The following PRLR variants were observed in gnomAD, a reference collection of about 807,000 sequenced individuals.
The protein encoded by PRLR is hPRL receptor.
A neutral mutation model predicts 40.2 loss-of-function variants in PRLR; 13 were observed. The ratio of observed to expected loss-of-function variants is 0.32; its 90% CI spans 0.21 to 0.51. PRLR has a LOEUF of 0.51. Among genes scored for constraint, PRLR ranks in the 20% least tolerant of loss-of-function variants. The pLI, the probability that PRLR is intolerant of heterozygous loss-of-function variation, is 0.97. For missense variants in PRLR, 656 were observed against 747.3 expected, an observed-to-expected ratio of 0.88 and a Z score of 1.42; for synonymous variants, 269 against 278.7, an observed-to-expected ratio of 0.97 and a Z score of 0.35.
At position 35,148,308 on chromosome 5, in the gene PRLR, G is replaced by C. The variant is rs1774244922; in HGVS notation, c.-105-30186C>G. On this transcript the variant is annotated intron_variant, in intron 1 of 9. Coordinates refer to ENST00000618457, the MANE Select transcript of PRLR (RefSeq NM_000949.7). ...CAACCATTCAATTTGTGTTGAACTT[G>C]GGAGTATAGGGTTTTTGAGAATTGG... Among the ~76,000 whole-genome samples the C allele has an allele frequency of 3.9e-5, 6 of 152,234 alleles. No individual in the cohort carries two copies. In the South Asian group the frequency reaches 1.2e-3, roughly 32 times the overall value.
At chr5:35,106,084 A>G (rs1772228472) in intron 2 of PRLR, among the ~76,000 whole-genome samples, 1 of 152,246 alleles carries the variant, frequency 6.6e-6, no homozygotes, top group Admixed American at 6.5e-5. Flanking sequence ...ACATTCTTAA[A>G]GAAAAGAATT....
chr5:35,098,664 C>T (rs1283024316), intron 2 of PRLR, among the ~76,000 whole-genome samples: 1 of 152,044 alleles, frequency 6.6e-6, no homozygotes, highest in Non-Finnish European at 1.5e-5. Context: ...ACAACTTTGT[C>T]TATTGTTATA....
intron 1 of PRLR, among the ~76,000 whole-genome samples, chr5:35,186,704 C>T (rs1226119168): frequency 6.6e-6 from 1 of 152,100 alleles, no homozygotes; most frequent in Non-Finnish European, 1.5e-5. Context: ...CAGCTACCAC[C>T]CCATCTGAGC....
intron 1 of PRLR, among the ~76,000 whole-genome samples, chr5:35,217,265 A>C (rs900075387): frequency 6.6e-5 from 10 of 152,322 alleles, no homozygotes; most frequent in Admixed American, 6.5e-4. Context: ...CCTGCAGAAG[A>C]CTGAACCCAT....
chr5:35,081,867 C>T (rs1770545601), intron 5 of PRLR: 2 of 174,458 alleles, frequency 1.1e-5, no homozygotes, highest in Admixed American at 5.7e-5. Flanking sequence ...TTAACAGTGA[C>T]ACCCCCTCTT....
rs184267514 is a variant in PRLR, at chr5:35,061,043, T to C, written c.*4046A>G. The C allele has an allele frequency of 1.8e-4, 27 of 152,314 alleles. No homozygotes were observed. Among genetic ancestry groups the C allele is most frequent in the African/African-American group, 6.5e-4 (27 of 41,558 alleles). The allele number at this position is 152,314 out of a possible 1,614,324, so 9.4% of individuals were successfully genotyped here. ...TACGTAAACATTCACTGAACATTGC[T>C]GGTTGGCCCTTAGACCATTTTGTTG... On this transcript the variant is annotated 3_prime_UTR_variant, in exon 10 of 10. Coordinates refer to ENST00000618457, the MANE Select transcript of PRLR (RefSeq NM_000949.7).
chr5:35,181,033 T>C (rs1011127148), intron 1 of PRLR, among the ~76,000 whole-genome samples: 4 of 152,226 alleles, frequency 2.6e-5, no homozygotes, highest in East Asian at 1.9e-4. Flanking sequence ...TTTAAACATA[T>C]ATTGGTCATT....
intron 1 of PRLR, among the ~76,000 whole-genome samples, chr5:35,164,576 T>C (rs1774767143): frequency 6.6e-6 from 1 of 152,162 alleles, no homozygotes; most frequent in Non-Finnish European, 1.5e-5. Flanking sequence ...TGGAGTCTGG[T>C]ATAAGACTGG....
chr5:35,079,493 C>T (rs6897097), intron 5 of PRLR, among the ~76,000 whole-genome samples: 1,693 of 152,228 alleles, frequency 0.011, 41 homozygotes, highest in African/African-American at 0.04. Flanking sequence ...AGGAACCCAA[C>T]TTACAAGGGA....
intron 2 of PRLR, among the ~76,000 whole-genome samples, chr5:35,094,229 G>T (rs1579631371): frequency 6.6e-6 from 1 of 152,256 alleles, no homozygotes; most frequent in Admixed American, 6.5e-5. Context: ...TAACAGTACA[G>T]ATTAATTTTA....
At chr5:35,120,473 G>A (rs562724717) in intron 1 of PRLR, among the ~76,000 whole-genome samples, 1 of 152,268 alleles carries the variant, frequency 6.6e-6, no homozygotes, top group Admixed American at 6.5e-5. Flanking sequence ...AAGCAAGAAA[G>A]GTGTAAAATT....
chr5:35,137,369 G>A (rs903469445), intron 1 of PRLR, among the ~76,000 whole-genome samples: 3 of 152,054 alleles, frequency 2.0e-5, no homozygotes, highest in African/African-American at 7.2e-5. Flanking sequence ...ATCTCATGGA[G>A]GATCTCCAAA....
At chr5:35,218,573 T>C (rs1340329820) in intron 1 of PRLR, among the ~76,000 whole-genome samples, 1 of 151,774 alleles carries the variant, frequency 6.6e-6, no homozygotes, top group East Asian at 1.9e-4. Flanking sequence ...GGAAGGAAGG[T>C]CTGTTACTTT....
chr5:35,211,223 C>A (rs1339763955), intron 1 of PRLR, among the ~76,000 whole-genome samples: 7 of 152,106 alleles, frequency 4.6e-5, no homozygotes, highest in Admixed American at 3.3e-4. Flanking sequence ...CCCCTAAATC[C>A]CCTGCACTTT....
intron 2 of PRLR, among the ~76,000 whole-genome samples, chr5:35,116,585 A>C (rs557219329): frequency 1.3e-4 from 20 of 152,318 alleles, no homozygotes; most frequent in African/African-American, 4.8e-4. Flanking sequence ...CTCAGTACTC[A>C]GCATTGCCCT....
intron 2 of PRLR, among the ~76,000 whole-genome samples, chr5:35,106,822 C>T (rs181524115): frequency 2.0e-4 from 30 of 152,286 alleles, no homozygotes; most frequent in African/African-American, 6.7e-4. Context: ...ATCGATGACA[C>T]AGAAAGTTAA....
chr5:35,115,172 A>G (rs917614361), intron 2 of PRLR, among the ~76,000 whole-genome samples: 6 of 152,150 alleles, frequency 3.9e-5, no homozygotes, highest in Non-Finnish European at 8.8e-5. Context: ...ATTTCAATTT[A>G]TTTATATTTA....
chr5:35,124,145 G>C (rs2111743114), intron 1 of PRLR, among the ~76,000 whole-genome samples: 1 of 152,316 alleles, frequency 6.6e-6, no homozygotes, highest in Non-Finnish European at 1.5e-5. Context: ...CAAGAAGAGA[G>C]ACCTTCCAAC....
At chr5:35,202,477 G>A (rs945223037) in intron 1 of PRLR, among the ~76,000 whole-genome samples, 5 of 152,046 alleles carry the variant, frequency 3.3e-5, no homozygotes, top group Admixed American at 6.6e-5. Flanking sequence ...CAGTCCGTCC[G>A]TACTGTCTCT....
Sources: gnomAD v4.1 joint callset for allele counts (sites outside exome capture counted in the v4.1 genomes callset) on GRCh38, gnomAD v4.1.1 for gene constraint, MANE v1.5 for transcripts, NCBI Gene and HGNC (gene_info 2026-07-23, HGNC 2026-07-21) for gene names.